Variants in TOR1AIP2 observed in about 807,000 individuals in gnomAD.
TOR1AIP2 encodes torsin-1A-interacting protein 2.
TOR1AIP2 carries 20 observed loss-of-function variants against 32.6 expected under a neutral mutation model. The ratio of observed to expected loss-of-function variants is 0.61; its 90% CI spans 0.43 to 0.89. TOR1AIP2 has a LOEUF of 0.89. TOR1AIP2 is among the 40% of genes least tolerant of loss of function. The pLI is 0.00. For missense variants in TOR1AIP2, 456 were observed against 553.8 expected (o/e 0.82, Z 1.77); for synonymous variants, 214 against 210.8 (o/e 1.02, Z -0.13).
At chr1:179,870,606 TA>T (rs1351508744) in intron 2 of TOR1AIP2, among the ~76,000 whole-genome samples, 2 of 152,202 alleles carry the variant, frequency 1.3e-5, no homozygotes, top group Non-Finnish European at 1.5e-5. Context: ...TGCAGTCTTG[TA>T]ATAATTTCGT....
At chr1:179,847,198 T>G (rs888556601) in intron 6 of TOR1AIP2, among the ~76,000 whole-genome samples, 1 of 152,218 alleles carries the variant, frequency 6.6e-6, no homozygotes, top group South Asian at 2.1e-4. Context: ...CTACTACCTA[T>G]AGCCGACCAT....
intron 5 of TOR1AIP2, among the ~76,000 whole-genome samples, chr1:179,850,518 A>T (rs1476464126): frequency 6.6e-6 from 1 of 152,280 alleles, no homozygotes; most frequent in Non-Finnish European, 1.5e-5. Context: ...TATTCTCATA[A>T]GAAATAAAAA....
chr1:179,874,445 A>G (rs184787777), intron 2 of TOR1AIP2: 1 of 152,304 alleles, frequency 6.6e-6, no homozygotes, highest in Non-Finnish European at 1.5e-5. Flanking sequence ...ATAGTTATAA[A>G]GTACCTTTAT....
At chr1:179,870,475 G>A (rs1318123172) in intron 2 of TOR1AIP2, among the ~76,000 whole-genome samples, 2 of 151,894 alleles carry the variant, frequency 1.3e-5, no homozygotes, top group African/African-American at 2.4e-5. Context: ...TAAACTCCTA[G>A]AGGAATCTGA....
At chr1:179,865,008 G>A in intron 3 of TOR1AIP2, 2 of 1,614,002 alleles carry the variant, frequency 1.2e-6, no homozygotes, top group Non-Finnish European at 1.7e-6. Context: ...CTATTAGCAG[G>A]ATTATCAGGA....
chr1:179,867,591 G>C (rs984785756), intron 2 of TOR1AIP2: 12 of 152,160 alleles, frequency 7.9e-5, no homozygotes, highest in Non-Finnish European at 1.6e-4. Flanking sequence ...TCAAGTAAAT[G>C]CAACAAGATA....
intron 2 of TOR1AIP2, among the ~76,000 whole-genome samples, 160 bp from the exon 3 acceptor site, chr1:179,866,014 T>C (rs1372474487): frequency 6.6e-6 from 1 of 152,236 alleles, no homozygotes; most frequent in Non-Finnish European, 1.5e-5. Flanking sequence ...CCAACTGATA[T>C]GTTGGCACTA....
At chr1:179,850,414 C>T (rs1696071893) in intron 5 of TOR1AIP2, among the ~76,000 whole-genome samples, 3 of 152,166 alleles carry the variant, frequency 2.0e-5, no homozygotes, top group African/African-American at 7.2e-5. Flanking sequence ...GGATACTGTC[C>T]CATTAATGCT....
intron 3 of TOR1AIP2, chr1:179,862,168 T>G (rs1696562860): frequency 5.1e-6 from 5 of 984,572 alleles, no homozygotes; most frequent in Non-Finnish European, 6.0e-6. Context: ...CTGATCTTAC[T>G]ATTTAATGGA....
Position 179,840,691 on chromosome 1 carries a change from C to CAAAG in TOR1AIP2, c.*5376_*5379dup, listed in dbSNP as rs1695691706. 1 of 116,942 alleles carries CAAAG rather than the reference C, an allele frequency of 8.6e-6. No homozygotes were observed. Among genetic ancestry groups the CAAAG allele is most frequent in the Non-Finnish European group, 1.6e-5 (1 of 61,426 alleles). 7.2% of individuals were successfully genotyped at this position (116,942 alleles called of 1,614,324 possible). On this transcript the variant is annotated 3_prime_UTR_variant, in exon 7 of 7. Transcript: ENST00000609928. ...TTCTCACTCATAGGTGGGAATTGAA[C>CAAAG]AAAGAAAACACTTGGACACAGGGCA...
In TOR1AIP2 at chr1:179,852,105, C is replaced by A. The variant is rs577465801; in HGVS notation, c.34+527G>T. ...AGACCAGCCTGGCAACATGGTGAAA[C>A]CCCGTCTCTACTAAAAATACAAAAA... On this transcript the variant is annotated intron_variant, in intron 4 of 6. Coordinates refer to ENST00000609928, the MANE Select transcript of TOR1AIP2 (RefSeq NM_001199260.2). Among the ~76,000 whole-genome samples the A allele has an allele frequency of 1.7e-3, 266 of 152,206 alleles. 1 individual carries two copies. Among genetic ancestry groups the A allele is most frequent in the Admixed American group, 4.3e-3 (65 of 15,288 alleles).
intron 2 of TOR1AIP2, chr1:179,874,867 C>T (rs1229304518): frequency 6.6e-6 from 1 of 152,218 alleles, no homozygotes; most frequent in Non-Finnish European, 1.5e-5. Flanking sequence ...GACCTAACAT[C>T]CATAAAGCAA....
chr1:179,847,325 G>A (rs925221574), intron 6 of TOR1AIP2, among the ~76,000 whole-genome samples: 1 of 152,106 alleles, frequency 6.6e-6, no homozygotes, highest in African/African-American at 2.4e-5. Flanking sequence ...ATTCCATTTT[G>A]TTAAGCACAG....
At chr1:179,857,244 T>C (rs1445187379) in intron 3 of TOR1AIP2, among the ~76,000 whole-genome samples, 1 of 152,272 alleles carries the variant, frequency 6.6e-6, no homozygotes, top group East Asian at 1.9e-4. Flanking sequence ...TTCATATTTC[T>C]ACTTAAATAA....
In TOR1AIP2 at chr1:179,860,695, A is replaced by G. The variant is rs1234538303; in HGVS notation, c.-147+4741T>C. 7 of 984,858 alleles carry G rather than the reference A, an allele frequency of 7.1e-6. No homozygotes were observed. The Admixed American group carries it at 3.7e-4, about 52-fold the overall frequency. The allele number at this position is 984,858 out of a possible 1,614,324, so 61.0% of individuals were successfully genotyped here. On this transcript the variant is annotated intron_variant, in intron 3 of 6. Coordinates refer to ENST00000609928, the MANE Select transcript of TOR1AIP2 (RefSeq NM_001199260.2). Reference sequence around the variant, plus strand: ...GAAGAAACTAGATACAGAGAGGTTAAAATGCCTAAGGTCATTTAATAGTAT... The same window carrying G: ...GAAGAAACTAGATACAGAGAGGTTAGAATGCCTAAGGTCATTTAATAGTAT...
chr1:179,848,288 C>A (rs1695992354), intron 5 of TOR1AIP2, among the ~76,000 whole-genome samples: 1 of 152,158 alleles, frequency 6.6e-6, no homozygotes, highest in African/African-American at 2.4e-5. Flanking sequence ...TGGCTGTACA[C>A]AAGATTCAAC....
At position 179,870,353 on chromosome 1, in the gene TOR1AIP2, C is replaced by T. The variant is rs963590010; in HGVS notation, c.-565-4499G>A. 3.9e-5 allele frequency among the ~76,000 whole-genome samples: 6 copies of T among 151,946 alleles called. 1 individual carries two copies. The South Asian group carries it at 6.2e-4, about 16-fold the overall frequency. ...GGCGGAGCTTGCAGTGAGCCAAGAT[C>T]GCGCCACTGCACTCCAGCCTGGGGG... On this transcript the variant is annotated intron_variant, in intron 2 of 6. Transcript: ENST00000609928.
At chr1:179,849,810 A>G (rs1696048724) in intron 5 of TOR1AIP2, among the ~76,000 whole-genome samples, 1 of 152,264 alleles carries the variant, frequency 6.6e-6, no homozygotes, top group Admixed American at 6.5e-5. Flanking sequence ...ACATTCATTC[A>G]TTTGACAAAA....
At chr1:179,864,014 G>A in intron 3 of TOR1AIP2, 2 of 985,418 alleles carry the variant, frequency 2.0e-6, no homozygotes, top group Non-Finnish European at 2.4e-6. Flanking sequence ...TCTCCTGATA[G>A]GTACTTTTCC....
Sources: allele counts gnomAD v4.1 joint callset (sites outside exome capture counted in the v4.1 genomes callset), GRCh38; gene constraint gnomAD v4.1.1; transcripts MANE v1.5; gene names NCBI Gene and HGNC (gene_info 2026-07-23, HGNC 2026-07-21).